Variants in SMU1 observed in about 807,000 individuals in gnomAD.
The protein encoded by SMU1 is SMU1 DNA replication regulator and spliceosomal factor.
A neutral mutation model predicts 62.0 loss-of-function variants in SMU1; 2 were observed. That is an observed-to-expected ratio of 0.03 (90% CI 0.01 to 0.10). The LOEUF is 0.10. SMU1 is among the 10% of genes least tolerant of loss of function. SMU1 has a pLI of 1.00. For synonymous variants in SMU1, 188 were observed against 212.4 expected, an observed-to-expected ratio of 0.89 and a Z score of 1.00; for missense variants, 227 against 622.1, an observed-to-expected ratio of 0.36 and a Z score of 6.76.
intron 10 of SMU1, among the ~76,000 whole-genome samples, chr9:33,052,243 A>G (rs967171850): frequency 3.3e-5 from 5 of 152,152 alleles, no homozygotes; most frequent in Admixed American, 1.3e-4. Flanking sequence ...TCATTATATA[A>G]GATGTTATCA....
In SMU1 at chr9:33,060,448, C is replaced by T. The variant is rs948703825; in HGVS notation, c.750+17G>A. ...AATTTTTCCACTAGGAAGGTTAACACATTTAAAATACTTTACCTTTCTGAT... is the reference window on the plus strand; with the variant it reads ...AATTTTTCCACTAGGAAGGTTAACATATTTAAAATACTTTACCTTTCTGAT... On this transcript the variant is annotated intron_variant, in intron 6 of 11. Transcript: ENST00000397149. 18 of 1,589,716 alleles carry T rather than the reference C, an allele frequency of 1.1e-5. No homozygotes were observed. The highest frequency in any genetic ancestry group is 2.3e-5 in the South Asian group (2 of 86,608).
At position 33,045,847 on chromosome 9, in the gene SMU1, A is replaced by C. The variant is rs1359766238; in HGVS notation, c.*1446T>G. On this transcript the variant is annotated 3_prime_UTR_variant, in exon 12 of 12. Transcript: ENST00000397149. The stretch of plus-strand genomic sequence containing the variant: ...GCAACAGAGCAAGACTCCATCTCAG[A>C]AAAATAAAATAAATTTTTTAAAAAG... 6.6e-6 allele frequency: 1 copy of C among 152,244 alleles called. No homozygotes were observed. The highest frequency in any genetic ancestry group is 1.9e-4 in the East Asian group (1 of 5,204). 9.4% of individuals were successfully genotyped at this position (152,244 alleles called of 1,614,324 possible).
At chr9:33,070,831 A>T (rs1313726649) in intron 3 of SMU1, among the ~76,000 whole-genome samples, 1 of 152,216 alleles carries the variant, frequency 6.6e-6, no homozygotes, top group Non-Finnish European at 1.5e-5. Context: ...AAATTAAAAC[A>T]TGGAGATAGA....
In SMU1 at chr9:33,047,212, C is replaced by CGCAA; in HGVS notation, c.*80_*81insTTGC. Reference sequence around the variant, plus strand: ...CAATCTATTTGCTTAGAAAAGCTGGCAAAAAAAAAAAAAAGCACATTACAT... The same window carrying CGCAA: ...CAATCTATTTGCTTAGAAAAGCTGGCGCAAAAAAAAAAAAAAAAGCACATTACAT... On this transcript the variant is annotated 3_prime_UTR_variant, in exon 12 of 12. Coordinates refer to ENST00000397149, the MANE Select transcript of SMU1 (RefSeq NM_018225.3). 1.6e-6 allele frequency: 1 copy of CGCAA among 644,836 alleles called. No homozygotes were observed. The allele number at this position is 644,836 out of a possible 1,614,324, so 39.9% of individuals were successfully genotyped here.
intron 11 of SMU1, among the ~76,000 whole-genome samples, 183 bp from the exon 12 acceptor site, chr9:33,047,574 T>G (rs1839200317): frequency 6.6e-6 from 1 of 152,126 alleles, no homozygotes; most frequent in Non-Finnish European, 1.5e-5. Context: ...TAATAAACTT[T>G]AGGCTGGGCG....
At chr9:33,053,375 T>C (rs780656462) in intron 9 of SMU1, 85 bp from the exon 10 acceptor site, 4 of 1,312,006 alleles carry the variant, frequency 3.0e-6, no homozygotes, top group Non-Finnish European at 4.2e-6. Context: ...AACAGTTTAC[T>C]AAAAAAGAAT....
chr9:33,050,578 A>G (rs1333245404), intron 10 of SMU1, among the ~76,000 whole-genome samples: 1 of 150,966 alleles, frequency 6.6e-6, no homozygotes, highest in African/African-American at 2.4e-5. Flanking sequence ...CTGTAATCCC[A>G]GCACTTTGGG....
chr9:33,051,527 G>A (rs1037594333), intron 10 of SMU1, among the ~76,000 whole-genome samples: 2 of 152,156 alleles, frequency 1.3e-5, no homozygotes, highest in Admixed American at 6.5e-5. Context: ...ACTCTGGCAC[G>A]AGATACTGAT....
intron 1 of SMU1, among the ~76,000 whole-genome samples, chr9:33,075,308 C>T (rs1000266963): frequency 1.3e-5 from 2 of 151,836 alleles, no homozygotes; most frequent in Admixed American, 6.6e-5. Context: ...ACGTGGGAGG[C>T]GGTGCTTGCA....
chr9:33,074,629 A>T (rs1404421994), intron 1 of SMU1, among the ~76,000 whole-genome samples: 1 of 152,002 alleles, frequency 6.6e-6, no homozygotes, highest in Non-Finnish European at 1.5e-5. Context: ...AATAAAATAA[A>T]ACCTATGAGG....
intron 3 of SMU1, among the ~76,000 whole-genome samples, chr9:33,069,710 G>C (rs1839465409): frequency 6.6e-6 from 1 of 152,194 alleles, no homozygotes; most frequent in Non-Finnish European, 1.5e-5. Flanking sequence ...GCTGAGGCAG[G>C]AGAATTCCTG....
At chr9:33,071,646 A>T in intron 3 of SMU1, 94 bp downstream of exon 3, 1 of 1,219,458 alleles carries the variant, frequency 8.2e-7, no homozygotes, top group Non-Finnish European at 1.1e-6. Flanking sequence ...AATCACAAAG[A>T]GTATACAATA....
intron 1 of SMU1, 64 bp downstream of exon 1, chr9:33,076,519 C>T: frequency 6.2e-7 from 1 of 1,600,862 alleles, no homozygotes; most frequent in Non-Finnish European, 8.5e-7. Flanking sequence ...CGAGTACCCT[C>T]CGCCCCACAC....
Position 33,044,765 on chromosome 9 carries a change from A to G in SMU1, c.*2528T>C, listed in dbSNP as rs548781129. 1 of 152,278 alleles carries G rather than the reference A, an allele frequency of 6.6e-6. No individual in the cohort carries two copies. The highest frequency in any genetic ancestry group is 2.1e-4 in the South Asian group (1 of 4,812). 9.4% of individuals were successfully genotyped at this position (152,278 alleles called of 1,614,324 possible). On this transcript the variant is annotated 3_prime_UTR_variant, in exon 12 of 12. Transcript: ENST00000397149. ...GCATTATTTTATTTAAAAAGAAGAA[A>G]AATATATACTTAACGGCTCCTAATC...
rs1839132005 is a variant in SMU1, at chr9:33,042,066, A to ATT, written c.*5225_*5226dup. On this transcript the variant is annotated 3_prime_UTR_variant, in exon 12 of 12. Coordinates refer to ENST00000397149, the MANE Select transcript of SMU1 (RefSeq NM_018225.3). ...CTGAATTGCACAATTGTTTAGGAAAATTTGTTACATGTTTTACAATTAAAA... is the reference window on the plus strand; with the variant it reads ...CTGAATTGCACAATTGTTTAGGAAAATTTTTGTTACATGTTTTACAATTAAAA... The ATT allele has an allele frequency of 6.6e-6, 1 of 152,526 alleles. No individual in the cohort carries two copies. The highest frequency in any genetic ancestry group is 1.5e-5 in the Non-Finnish European group (1 of 68,040). 9.4% of individuals were successfully genotyped at this position (152,526 alleles called of 1,614,324 possible). A position where few individuals can be genotyped will look rare whatever the true frequency, so the allele number is the denominator to read the frequency against.
intron 9 of SMU1, 38 bp from the exon 10 acceptor site, chr9:33,053,328 G>A (rs1839269741): frequency 6.3e-7 from 1 of 1,580,028 alleles, no homozygotes; most frequent in Non-Finnish European, 8.6e-7. Flanking sequence ...CCTTTTTTAG[G>A]TATAAAAATT....
intron 5 of SMU1, among the ~76,000 whole-genome samples, chr9:33,061,294 A>G (rs747139979): frequency 1.3e-5 from 2 of 152,254 alleles, no homozygotes; most frequent in Non-Finnish European, 2.9e-5. Context: ...GCAGCATAAT[A>G]ATGATGGATT....
chr9:33,057,773 T>C (rs975385612), intron 6 of SMU1, 59 bp from the exon 7 acceptor site: 2 of 1,599,186 alleles, frequency 1.3e-6, no homozygotes, highest in South Asian at 1.1e-5. Context: ...CCCAGTTCTC[T>C]ACAAACTCAC....
chr9:33,069,687 A>G (rs1170954085), intron 3 of SMU1, among the ~76,000 whole-genome samples: 1 of 152,198 alleles, frequency 6.6e-6, no homozygotes, highest in Non-Finnish European at 1.5e-5. Flanking sequence ...CTGTAATCTC[A>G]GCTACTCGGG....
Sources: allele counts gnomAD v4.1 joint callset (sites outside exome capture counted in the v4.1 genomes callset), GRCh38; gene constraint gnomAD v4.1.1; transcripts MANE v1.5; gene names NCBI Gene and HGNC (gene_info 2026-07-23, HGNC 2026-07-21).